Variants in PCDHAC2 observed in about 807,000 individuals in gnomAD.
The protein encoded by PCDHAC2 is protocadherin alpha-C2.
In PCDHAC2, 24 loss-of-function variants were observed where a neutral mutation model predicts 63.3. The ratio of observed to expected loss-of-function variants is 0.38; its 90% CI spans 0.27 to 0.53. The LOEUF is 0.53. PCDHAC2 is among the 20% of genes least tolerant of loss of function. The pLI is 0.81. For missense variants in PCDHAC2, 1,181 were observed against 1,275.2 expected, an observed-to-expected ratio of 0.93 and a Z score of 1.12; for synonymous variants, 569 against 529.4, an observed-to-expected ratio of 1.07 and a Z score of -1.03.
intron 3 of PCDHAC2, among the ~76,000 whole-genome samples, chr5:140,984,755 A>G (rs1554246508): frequency 6.6e-6 from 1 of 152,172 alleles, no homozygotes; most frequent in Admixed American, 6.5e-5. Flanking sequence ...TTTGAGTTGA[A>G]TTCTAATCCC....
chr5:140,967,833 T>C lies in PCDHAC2; in HGVS notation c.1067T>C (p.Val356Ala). 6.2e-7 allele frequency: 1 copy of C among 1,614,132 alleles called. No individual in the cohort carries two copies. The highest frequency in any genetic ancestry group is 8.5e-7 in the Non-Finnish European group (1 of 1,180,028). ...AGHCKVLVDIVDVNDNAPEVV... is the reference protein window; with the variant it reads ...AGHCKVLVDIADVNDNAPEVV... Reference sequence around the variant, plus strand: ...CACTGCAAGGTGCTGGTGGACATCGTGGACGTGAATGACAATGCCCCAGAG... The same window carrying C: ...CACTGCAAGGTGCTGGTGGACATCGCGGACGTGAATGACAATGCCCCAGAG... Residue 356 changes from valine to alanine, a missense_variant, in exon 1 of 4, where the codon GTG (valine) becomes GCG (alanine). Transcript: ENST00000289269.
chr5:140,985,494 C>G (rs1217361161), intron 3 of PCDHAC2, among the ~76,000 whole-genome samples: 2 of 152,136 alleles, frequency 1.3e-5, no homozygotes, highest in Non-Finnish European at 2.9e-5. Flanking sequence ...TCAAATAGAG[C>G]CTGCCTTTCA....
At chr5:140,980,585 G>A (rs1181393743) in intron 2 of PCDHAC2, among the ~76,000 whole-genome samples, 2 of 151,902 alleles carry the variant, frequency 1.3e-5, no homozygotes, top group African/African-American at 2.4e-5. Flanking sequence ...AGCCAAGATC[G>A]AGCCACTGCA....
chr5:141,001,378 C>T (rs889628264), intron 3 of PCDHAC2, among the ~76,000 whole-genome samples: 20 of 152,166 alleles, frequency 1.3e-4, no homozygotes, highest in African/African-American at 4.8e-4. Flanking sequence ...GATTACAGAG[C>T]CTAAGATCCT....
At chr5:141,008,686 A>G (rs1419778370) in intron 3 of PCDHAC2, among the ~76,000 whole-genome samples, 1 of 152,174 alleles carries the variant, frequency 6.6e-6, no homozygotes, top group Non-Finnish European at 1.5e-5. Flanking sequence ...TAGTTATTGC[A>G]TGTATTAAGT....
chr5:140,966,490 T>C lies in PCDHAC2; in HGVS notation c.-277T>C, dbSNP rs533525977. 6.2e-5 allele frequency: 27 copies of C among 438,082 alleles called. No individual in the cohort carries two copies. In the Admixed American group the frequency reaches 1.1e-3, roughly 18 times the overall value. The allele number at this position is 438,082 out of a possible 1,614,324, so 27.1% of individuals were successfully genotyped here. On this transcript the variant is annotated 5_prime_UTR_variant, in exon 1 of 4. Coordinates refer to ENST00000289269, the MANE Select transcript of PCDHAC2 (RefSeq NM_018899.6). ...CCTTCTGTTTCCTTTTCCCTCCCCC[T>C]GGAGCTGTAGCGGCAGCAGCAGCAG... is the stretch of plus-strand genomic sequence containing the variant.
chr5:140,995,285 C>G (rs1179283452), intron 3 of PCDHAC2, among the ~76,000 whole-genome samples: 1 of 152,048 alleles, frequency 6.6e-6, no homozygotes, highest in African/African-American at 2.4e-5. Flanking sequence ...ACCAAAACAG[C>G]CAGTCGGATA....
At chr5:140,994,759 G>C (rs1193190612) in intron 3 of PCDHAC2, among the ~76,000 whole-genome samples, 3 of 152,130 alleles carry the variant, frequency 2.0e-5, no homozygotes, top group African/African-American at 7.2e-5. Flanking sequence ...ATGTGGAGAG[G>C]AAGAGAATTC....
rs2098415057 is a variant in PCDHAC2, at chr5:141,009,865, A to G, written c.2952A>G (p.Lys984=). ...AGGAGGAGACCAAGAAAAAGAAGAAAAAGAAGAAGGGTAACAAGACCCAGG... is the reference window on the plus strand; with the variant it reads ...AGGAGGAGACCAAGAAAAAGAAGAAGAAGAAGAAGGGTAACAAGACCCAGG... ...GKKEETKKKK[K]KKKGNKTQEK... The change falls in exon 4 of 4, where the codon AAA becomes AAG. Residue 984 remains lysine, a synonymous_variant. Transcript: ENST00000289269. The G allele has an allele frequency of 6.2e-7, 1 of 1,614,076 alleles. No homozygotes were observed.
At chr5:140,975,352 T>G (rs2096663445) in intron 1 of PCDHAC2, among the ~76,000 whole-genome samples, 1 of 152,256 alleles carries the variant, frequency 6.6e-6, no homozygotes, top group African/African-American at 2.4e-5. Flanking sequence ...TAAAGCCAAC[T>G]GTGCTACATA....
In PCDHAC2 at chr5:141,000,775, C is replaced by T. The variant is rs919489031; in HGVS notation, c.2714-8852C>T. 3.3e-5 allele frequency among the ~76,000 whole-genome samples: 5 copies of T among 151,752 alleles called. No homozygotes were observed. In the East Asian group the frequency reaches 5.8e-4, roughly 18 times the overall value. On this transcript the variant is annotated intron_variant, in intron 3 of 3. Transcript: ENST00000289269. ...AAAAAATCTTAGCCAGGCATAGTGG[C>T]GCACACCTGTATTCCTAGCTACTCA...
chr5:140,995,346 A>G (rs2097678208), intron 3 of PCDHAC2, among the ~76,000 whole-genome samples: 2 of 151,964 alleles, frequency 1.3e-5, no homozygotes, highest in South Asian at 4.2e-4. Context: ...GACGGCATGG[A>G]TAGGTCGGAC....
At position 140,968,456 on chromosome 5, in the gene PCDHAC2, A is replaced by G. The variant is rs782476018; in HGVS notation, c.1690A>G (p.Thr564Ala). ...KGSPPLSSTV[T>A]ANVYVVDMND... ...GAGCCCACCACTGAGCAGCACTGTG[A>G]CTGCCAACGTATATGTGGTGGACAT... Residue 564 changes from threonine (T) to alanine (A), a missense_variant, in exon 1 of 4, where the codon ACT (threonine) becomes GCT (alanine). Thr to Ala is a moderately conservative substitution (Grantham distance 58). Transcript: ENST00000289269. 82 of 1,613,964 alleles carry G rather than the reference A, an allele frequency of 5.1e-5. No individual in the cohort carries two copies. Among genetic ancestry groups the G allele is most frequent in the Non-Finnish European group, 6.2e-5 (73 of 1,180,022 alleles).
In PCDHAC2 at chr5:140,967,909, C is replaced by T. The variant is rs140881563; in HGVS notation, c.1143C>T (p.Asn381=). The T allele has an allele frequency of 5.0e-5, 81 of 1,614,206 alleles. No individual in the cohort carries two copies. In the African/African-American group the frequency reaches 9.1e-4, roughly 18 times the overall value. ...YSPVPENATP[N]TIVAVLSVND... ...CAGTGCCTGAGAATGCTACACCCAACACCATTGTGGCCGTTCTCAGTGTCA... is the reference window on the plus strand; with the variant it reads ...CAGTGCCTGAGAATGCTACACCCAATACCATTGTGGCCGTTCTCAGTGTCA... The change falls in exon 1 of 4, where the codon AAC becomes AAT. Residue 381 remains asparagine, a synonymous_variant. Coordinates refer to ENST00000289269, the MANE Select transcript of PCDHAC2 (RefSeq NM_018899.6).
At chr5:140,976,740 A>C (rs1425716353) in intron 1 of PCDHAC2, among the ~76,000 whole-genome samples, 7 of 152,192 alleles carry the variant, frequency 4.6e-5, no homozygotes, top group African/African-American at 1.7e-4. Flanking sequence ...CACATTTTAA[A>C]AACCTCCCAG....
In PCDHAC2 at chr5:140,969,495, C is replaced by T. The variant is rs1205771172; in HGVS notation, c.2565+164C>T. On this transcript the variant is annotated intron_variant, in intron 1 of 3. Transcript: ENST00000289269. The stretch of plus-strand genomic sequence containing the variant: ...TTGATCATAATCTGCTATTTCCTCT[C>T]TAGAAAAATAGCACTAAAGAATTGT... 10 of 1,437,770 alleles carry T rather than the reference C, an allele frequency of 7.0e-6. No homozygotes were observed. The African/African-American group carries it at 7.2e-5, about 10-fold the overall frequency. The allele number at this position is 1,437,770 out of a possible 1,614,324, so 89.1% of individuals were successfully genotyped here. A position where few individuals can be genotyped will look rare whatever the true frequency, so the allele number is the denominator to read the frequency against.
At position 140,967,927 on chromosome 5, in the gene PCDHAC2, C is replaced by T. The variant is rs782426020; in HGVS notation, c.1161C>T (p.Leu387=). 1.9e-6 allele frequency: 3 copies of T among 1,614,228 alleles called. No homozygotes were observed. The highest frequency in any genetic ancestry group is 2.5e-6 in the Non-Finnish European group (3 of 1,180,044). The change falls in exon 1 of 4, where the codon CTC becomes CTT. Residue 387 remains leucine (L), a synonymous_variant. Coordinates refer to ENST00000289269, the MANE Select transcript of PCDHAC2 (RefSeq NM_018899.6). ...NATPNTIVAV[L]SVNDQDSGPN... ...CACCCAACACCATTGTGGCCGTTCTCAGTGTCAATGACCAAGACTCAGGCC... is the reference window on the plus strand; with the variant it reads ...CACCCAACACCATTGTGGCCGTTCTTAGTGTCAATGACCAAGACTCAGGCC...
At chr5:141,005,978 G>C (rs1226619772) in intron 3 of PCDHAC2, among the ~76,000 whole-genome samples, 2 of 151,936 alleles carry the variant, frequency 1.3e-5, no homozygotes, top group African/African-American at 4.8e-5. Context: ...CAATTCCAAA[G>C]AGTGTTTGAG....
chr5:140,967,299 G>T lies in PCDHAC2; in HGVS notation c.533G>T (p.Gly178Val). Residue 178 changes from glycine (G) to valine (V), a missense_variant, in exon 1 of 4, where the codon GGC becomes GTC. Physicochemically the swap from Gly to Val is moderately radical, Grantham distance 109 (BLOSUM62 -3). Around this residue, in one of 3 missense-constraint regions of PCDHAC2, gnomAD observed 968 missense variants for 1,073.5 expected, o/e 0.90. Coordinates refer to ENST00000289269, the MANE Select transcript of PCDHAC2 (RefSeq NM_018899.6). ...HIESAQDPDV[G>V]ANSVQTYELS... ...GAGAGTGCGCAGGACCCCGACGTGG[G>T]CGCCAACTCAGTACAGACCTACGAG... 1.9e-6 allele frequency: 3 copies of T among 1,612,674 alleles called. No individual in the cohort carries two copies. Among genetic ancestry groups the T allele is most frequent in the Non-Finnish European group, 2.5e-6 (3 of 1,179,352 alleles).
Sources: allele counts gnomAD v4.1 joint callset (sites outside exome capture counted in the v4.1 genomes callset), GRCh38; gene constraint gnomAD v4.1.1; regional missense constraint gnomAD v4.1.1; transcripts MANE v1.5; gene names NCBI Gene and HGNC (gene_info 2026-07-23, HGNC 2026-07-21).